The following TMLHE variants were observed in gnomAD, a reference collection of about 807,000 sequenced individuals.
TMLHE encodes trimethyllysine dioxygenase, mitochondrial.
A neutral mutation model predicts 25.7 loss-of-function variants in TMLHE; 18 were observed. The ratio of observed to expected loss-of-function variants is 0.70; its 90% confidence interval spans 0.48 to 1.04. The LOEUF is 1.04. Among genes scored for constraint, TMLHE ranks in the 50% least tolerant of loss-of-function variants. The probability of loss-of-function intolerance (pLI) is 0.00; values close to 1 mark genes in which losing one functional copy is unlikely to be tolerated. For missense variants in TMLHE, 236 were observed against 259.0 expected, an observed-to-expected ratio of 0.91 and a Z score of 0.61; for synonymous variants, 105 against 97.0, an observed-to-expected ratio of 1.08 and a Z score of -0.49.
At chrX:155,558,522 T>G (rs781837846) in intron 1 of TMLHE, among the ~76,000 whole-genome samples, 2 of 112,083 alleles carry the variant, frequency 1.8e-5, no homozygotes, top group Non-Finnish European at 3.8e-5. Context: ...TTCCTAGTAC[T>G]TAGCAGAACT....
rs1349131527 is a variant in TMLHE, at chrX:155,561,495, G to A, written c.-1-16218C>T. Among the ~76,000 whole-genome samples the A allele has an allele frequency of 9.9e-5, 6 of 60,811 alleles. 3 individuals carry two copies. The highest frequency in any genetic ancestry group is 2.2e-4 in the African/African-American group (6 of 27,431). The allele number at this position is 60,811 out of a possible 115,157, so 52.8% of individuals were successfully genotyped here. A position where few individuals can be genotyped will look rare whatever the true frequency, so the allele number is the denominator to read the frequency against. ...AGCCAAACCATATTATCCCACCCCT[G>A]GCCCCTCACAAATCTCATGTCCTTT... is the stretch of plus-strand genomic sequence containing the variant. On this transcript the variant is annotated intron_variant, in intron 1 of 7. Transcript: ENST00000334398.
chrX:155,541,405 A>T (rs975968411), intron 2 of TMLHE, among the ~76,000 whole-genome samples: 2 of 111,508 alleles, frequency 1.8e-5, no homozygotes, highest in Non-Finnish European at 3.8e-5. Flanking sequence ...ATAGTATTCC[A>T]TGGTGTATAT....
intron 2 of TMLHE, among the ~76,000 whole-genome samples, chrX:155,539,419 G>T (rs2067298277): frequency 9.0e-6 from 1 of 111,143 alleles, no homozygotes; most frequent in African/African-American, 3.3e-5. Flanking sequence ...ACATCAAGGG[G>T]AACTCCTGAA....
At chrX:155,604,297 GTGCTGT>G (rs1461138095) in intron 1 of TMLHE, among the ~76,000 whole-genome samples, 1 of 110,864 alleles carries the variant, frequency 9.0e-6, no homozygotes, top group African/African-American at 3.3e-5. Context: ...AAGACCCTGA[GTGCTGT>G]ACTCATACCT....
chrX:155,612,354 C>T (rs1311353052), intron 1 of TMLHE: 1 of 111,913 alleles, frequency 8.9e-6, no homozygotes, highest in Non-Finnish European at 1.9e-5. Context: ...CTGAGTTCCA[C>T]CTTCCACTCT....
chrX:155,598,633 C>T (rs1222443803), intron 1 of TMLHE, among the ~76,000 whole-genome samples: 26 of 109,443 alleles, frequency 2.4e-4, no homozygotes, highest in Non-Finnish European at 1.1e-4. Context: ...AGCACACCAA[C>T]ATGGCACATG....
chrX:155,588,386 G>A (rs1263224591), intron 1 of TMLHE, among the ~76,000 whole-genome samples: 4 of 111,702 alleles, frequency 3.6e-5, no homozygotes, highest in African/African-American at 9.8e-5. Flanking sequence ...GACCCAAACC[G>A]TTTAAGCAGT....
At chrX:155,591,391 C>T (rs1557345929) in intron 1 of TMLHE, among the ~76,000 whole-genome samples, 1 of 111,684 alleles carries the variant, frequency 9.0e-6, no homozygotes, top group East Asian at 2.8e-4. Context: ...TTTAAGCACA[C>T]ATGTAACTTT....
At chrX:155,518,284 G>A (rs1455076856) in intron 3 of TMLHE, among the ~76,000 whole-genome samples, 4 of 78,766 alleles carry the variant, frequency 5.1e-5, no homozygotes, top group Admixed American at 1.5e-4. Flanking sequence ...TAATCATGTG[G>A]TTTTTGTCTT....
At chrX:155,523,817 CTTT>C (rs1241641443) in intron 3 of TMLHE, among the ~76,000 whole-genome samples, 1 of 112,157 alleles carries the variant, frequency 8.9e-6, no homozygotes, top group Non-Finnish European at 1.9e-5. Flanking sequence ...TTTATGTCTT[CTTT>C]GATTTCTTTC....
intron 2 of TMLHE, among the ~76,000 whole-genome samples, chrX:155,529,455 A>C (rs2067237228): frequency 8.9e-6 from 1 of 112,233 alleles, no homozygotes; most frequent in Admixed American, 9.4e-5. Flanking sequence ...ACCAATCTAC[A>C]TTCCCACCAA....
intron 1 of TMLHE, among the ~76,000 whole-genome samples, chrX:155,546,540 G>A (rs781896930): frequency 1.8e-5 from 2 of 111,181 alleles, no homozygotes; most frequent in African/African-American, 6.5e-5. Flanking sequence ...GCATGCGTAT[G>A]TGTGGGTATG....
At chrX:155,514,571 CCAAGTAGGCTTTTA>C (rs2067139719) in intron 3 of TMLHE, among the ~76,000 whole-genome samples, 1 of 110,557 alleles carries the variant, frequency 9.0e-6, no homozygotes, top group African/African-American at 3.3e-5. Context: ...GAATGATAAT[CCAAGTAGGCTTTTA>C]CAAGCCTACT....
intron 1 of TMLHE, among the ~76,000 whole-genome samples, chrX:155,580,956 A>T (rs1010649699): frequency 8.9e-6 from 1 of 111,983 alleles, no homozygotes; most frequent in Non-Finnish European, 1.9e-5. Flanking sequence ...CTATCAGCAC[A>T]TCAAAAAGCT....
intron 1 of TMLHE, among the ~76,000 whole-genome samples, chrX:155,580,696 G>A (rs2067620945): frequency 9.0e-6 from 1 of 111,656 alleles, no homozygotes; most frequent in Admixed American, 9.5e-5. Flanking sequence ...TCATGTGGCA[G>A]CAGACAAGAG....
At chrX:155,509,919 A>G (rs2067096436) in intron 5 of TMLHE, among the ~76,000 whole-genome samples, 1 of 111,914 alleles carries the variant, frequency 8.9e-6, no homozygotes, top group Admixed American at 9.5e-5. Context: ...AATTGAGTAT[A>G]GTATGTATCA....
intron 5 of TMLHE, among the ~76,000 whole-genome samples, chrX:155,510,232 T>TTTTTCTTTTA (rs1557333232): frequency 3.0e-5 from 3 of 99,186 alleles, no homozygotes; most frequent in Non-Finnish European, 6.1e-5. Context: ...ATGAGTTTTC[T>TTTTTCTTTTA]TTTTATTTTA....
At chrX:155,573,882 T>A (rs1442482593) in intron 1 of TMLHE, among the ~76,000 whole-genome samples, 4 of 92,869 alleles carry the variant, frequency 4.3e-5, no homozygotes, top group African/African-American at 1.2e-4. Flanking sequence ...TAACTAATGC[T>A]AAATGACGAG....
intron 1 of TMLHE, among the ~76,000 whole-genome samples, chrX:155,549,491 T>TAAA (rs1557339686): frequency 9.0e-6 from 1 of 110,945 alleles, no homozygotes; most frequent in Non-Finnish European, 1.9e-5. Flanking sequence ...TTTTATGGCT[T>TAAA]GTTGCTTTAT....
Sources: gnomAD v4.1 joint callset for allele counts (sites outside exome capture counted in the v4.1 genomes callset) on GRCh38, gnomAD v4.1.1 for gene constraint, MANE v1.5 for transcripts, NCBI Gene and HGNC (gene_info 2026-07-23, HGNC 2026-07-21) for gene names.